UTRN: variants seen among roughly 807,000 people sequenced by gnomAD.
The protein encoded by UTRN is utrophin, also known as dystrophin-related protein 1.
Under a neutral mutation model 463.9 loss-of-function variants are expected in UTRN, and 283 were observed. The ratio of observed to expected loss-of-function variants is 0.61; its 90% confidence interval spans 0.55 to 0.67. The LOEUF is 0.67. Ranked by LOEUF, UTRN falls within the 30% of genes least tolerant of loss-of-function variation. UTRN has a pLI of 0.00. For missense variants in UTRN, 3,922 were observed against 4,084.3 expected (o/e 0.96, Z 1.08); for synonymous variants, 1,442 against 1,431.5 (o/e 1.01, Z -0.17).
chr6:144,671,569 CAT>C (rs1177468746), intron 51 of UTRN, among the ~76,000 whole-genome samples: 7 of 151,932 alleles, frequency 4.6e-5, no homozygotes, highest in Admixed American at 1.3e-4. Context: ...GGTATACAAT[CAT>C]GTCATCAGCT....
intron 17 of UTRN, 74 bp from the exon 18 acceptor site, chr6:144,451,296 A>G (rs964234151): frequency 8.5e-6 from 13 of 1,536,956 alleles, no homozygotes; most frequent in Non-Finnish European, 1.1e-5. Flanking sequence ...TGAGCATTTG[A>G]GTTGCTCTTT....
At chr6:144,742,956 A>G (rs575545231) in intron 54 of UTRN, among the ~76,000 whole-genome samples, 13 of 152,358 alleles carry the variant, frequency 8.5e-5, no homozygotes, top group African/African-American at 3.1e-4. Flanking sequence ...GAATTACCAT[A>G]CCTGAAATGA....
chr6:144,312,811 T>A lies in UTRN; in HGVS notation c.79+20904T>A, dbSNP rs1584244506. Among the ~76,000 whole-genome samples the A allele has an allele frequency of 2.0e-5, 3 of 152,362 alleles. 1 individual carries two copies. Among genetic ancestry groups the A allele is most frequent in the South Asian group, 4.1e-4 (2 of 4,826 alleles). The stretch of plus-strand genomic sequence containing the variant: ...TCCCATTTTATTTTATTTTACTTGC[T>A]GAGGCTGGATATTATATTCTTTTGG... On this transcript the variant is annotated intron_variant, in intron 2 of 74. Transcript: ENST00000367545.
intron 51 of UTRN, among the ~76,000 whole-genome samples, chr6:144,591,931 T>C (rs1315924150): frequency 1.3e-5 from 2 of 152,118 alleles, no homozygotes; most frequent in East Asian, 3.8e-4. Context: ...ATTATCTGAT[T>C]GTGTATTTAC....
intron 60 of UTRN, among the ~76,000 whole-genome samples, chr6:144,778,237 C>T (rs542171753): frequency 6.6e-6 from 1 of 152,042 alleles, no homozygotes; most frequent in South Asian, 2.1e-4. Flanking sequence ...TTTAAGGCTG[C>T]CTGAGGAAGA....
chr6:144,719,917 G>A (rs1480904328), intron 53 of UTRN, among the ~76,000 whole-genome samples: 1 of 152,218 alleles, frequency 6.6e-6, no homozygotes, highest in Admixed American at 6.5e-5. Context: ...TTGGATAATG[G>A]CTTTAGATTG....
intron 2 of UTRN, among the ~76,000 whole-genome samples, chr6:144,374,819 G>A (rs180875643): frequency 1.3e-4 from 20 of 151,552 alleles, no homozygotes; most frequent in Admixed American, 9.9e-4. Context: ...GGTGGCCTGC[G>A]CCTGTAATCC....
At chr6:144,546,795 T>C (rs772738693) in intron 46 of UTRN, among the ~76,000 whole-genome samples, 1 of 151,724 alleles carries the variant, frequency 6.6e-6, no homozygotes, top group Non-Finnish European at 1.5e-5. Context: ...GGTGACAGAG[T>C]GAGCCCCTAT....
At chr6:144,618,943 T>C (rs1318868355) in intron 51 of UTRN, among the ~76,000 whole-genome samples, 1 of 152,150 alleles carries the variant, frequency 6.6e-6, no homozygotes, top group African/African-American at 2.4e-5. Flanking sequence ...GAATTTATAT[T>C]CTTTCAACAA....
intron 54 of UTRN, among the ~76,000 whole-genome samples, chr6:144,731,374 T>G (rs937861670): frequency 2.0e-5 from 3 of 152,234 alleles, no homozygotes; most frequent in African/African-American, 7.2e-5. Flanking sequence ...ATCATTCTGA[T>G]GCATTTTTAA....
intron 69 of UTRN, among the ~76,000 whole-genome samples, chr6:144,830,129 T>C (rs1780539785): frequency 6.6e-6 from 1 of 152,192 alleles, no homozygotes; most frequent in Admixed American, 6.5e-5. Flanking sequence ...TTCTTTAAAA[T>C]GTTTTGTCAT....
chr6:144,508,450 T>A (rs1295886874), intron 34 of UTRN, among the ~76,000 whole-genome samples: 1 of 152,130 alleles, frequency 6.6e-6, no homozygotes, highest in Non-Finnish European at 1.5e-5. Context: ...CTTGGCTGGA[T>A]AGCACCGTAC....
rs560485507 is a variant in UTRN, at chr6:144,840,836, A to C, written c.10270+4A>C. ...AGCACGTTTCCATCTTGCTGCCGTG[A>C]GTATGAAAGATTGCAGCACCACAGC... On this transcript the variant is annotated splice_donor_region_variant and intron_variant, in intron 73 of 74. Coordinates refer to ENST00000367545, the MANE Select transcript of UTRN (RefSeq NM_007124.3). The C allele has an allele frequency of 6.2e-7, 1 of 1,613,768 alleles. No homozygotes were observed. Among genetic ancestry groups the C allele is most frequent in the Admixed American group, 1.7e-5 (1 of 60,004 alleles).
At chr6:144,450,636 G>T (rs1788179629) in intron 17 of UTRN, among the ~76,000 whole-genome samples, 1 of 152,158 alleles carries the variant, frequency 6.6e-6, no homozygotes, top group Non-Finnish European at 1.5e-5. Context: ...CATATCAAGA[G>T]CCCAGCCCAG....
At chr6:144,823,918 A>G (rs1253194866) in intron 66 of UTRN, among the ~76,000 whole-genome samples, 3 of 152,214 alleles carry the variant, frequency 2.0e-5, no homozygotes, top group African/African-American at 4.8e-5. Context: ...AGCCTTTGCT[A>G]TAGCAAGAAA....
chr6:144,607,573 A>G (rs1804992901), intron 51 of UTRN, among the ~76,000 whole-genome samples: 1 of 152,206 alleles, frequency 6.6e-6, no homozygotes, highest in African/African-American at 2.4e-5. Context: ...TTCACTGGGT[A>G]AAGGCTATTT....
At chr6:144,756,949 A>G (rs993009419) in intron 57 of UTRN, among the ~76,000 whole-genome samples, 2 of 152,106 alleles carry the variant, frequency 1.3e-5, no homozygotes, top group African/African-American at 4.8e-5. Context: ...CCGAAAACAT[A>G]TATTTGAAAA....
chr6:144,603,657 T>C (rs1362229905), intron 51 of UTRN, among the ~76,000 whole-genome samples: 1 of 152,192 alleles, frequency 6.6e-6, no homozygotes, highest in East Asian at 1.9e-4. Context: ...TATTTTTCCC[T>C]AAGTATTTGA....
intron 51 of UTRN, among the ~76,000 whole-genome samples, chr6:144,652,646 G>T (rs1002020539): frequency 6.6e-6 from 1 of 152,172 alleles, no homozygotes; most frequent in Admixed American, 6.5e-5. Flanking sequence ...GATGACAATA[G>T]GGATACTCGT....
Sources: allele counts gnomAD v4.1 joint callset (sites outside exome capture counted in the v4.1 genomes callset), GRCh38; gene constraint gnomAD v4.1.1; transcripts MANE v1.5; gene names NCBI Gene and HGNC (gene_info 2026-07-23, HGNC 2026-07-21).